Variants in FMN1 observed in about 807,000 individuals in gnomAD.
FMN1 encodes formin-1.
FMN1 carries 110 observed loss-of-function variants against 132.4 expected under a neutral mutation model. The ratio of observed to expected loss-of-function variants is 0.83; its 90% CI spans 0.71 to 0.97. The LOEUF (loss-of-function observed/expected upper bound fraction) is 0.97. FMN1 is among the 50% of genes least tolerant of loss of function. The pLI is 0.00. For missense variants in FMN1, 1,792 were observed against 1,705.3 expected (o/e 1.05, Z -0.90); for synonymous variants, 722 against 651.7 (o/e 1.11, Z -1.64).
At chr15:32,785,398 C>T (rs913732548) in intron 19 of FMN1, among the ~76,000 whole-genome samples, 4 of 150,916 alleles carry the variant, frequency 2.7e-5, no homozygotes, top group African/African-American at 9.8e-5. Context: ...GGAATTTAGG[C>T]TGATGACTGG....
At chr15:32,775,090 G>C (rs1261654922) in intron 20 of FMN1, among the ~76,000 whole-genome samples, 1 of 152,152 alleles carries the variant, frequency 6.6e-6, no homozygotes, top group Non-Finnish European at 1.5e-5. Context: ...AAAGGGAGAA[G>C]TATACTCTTT....
chr15:33,151,799 T>C (rs1374503660), intron 4 of FMN1, among the ~76,000 whole-genome samples: 1 of 152,146 alleles, frequency 6.6e-6, no homozygotes, highest in Non-Finnish European at 1.5e-5. Context: ...CAATACATGA[T>C]ATAAAATCTA....
intron 4 of FMN1, among the ~76,000 whole-genome samples, chr15:33,090,973 C>T (rs901059161): frequency 2.6e-5 from 4 of 152,158 alleles, no homozygotes; most frequent in Admixed American, 1.3e-4. Flanking sequence ...TTACAGTATA[C>T]TCTCACTGTA....
chr15:32,845,179 GC>G (rs2058828889), intron 17 of FMN1, among the ~76,000 whole-genome samples: 1 of 152,186 alleles, frequency 6.6e-6, no homozygotes, highest in Non-Finnish European at 1.5e-5. Flanking sequence ...TGAAAACCTT[GC>G]CATAGTTGTC....
intron 7 of FMN1, among the ~76,000 whole-genome samples, chr15:33,000,341 C>T (rs1050050173): frequency 2.0e-5 from 3 of 149,766 alleles, no homozygotes; most frequent in Admixed American, 1.3e-4. Flanking sequence ...CCCAGCTACT[C>T]GGGAGGCTGA....
In FMN1 at chr15:32,952,178, T is replaced by C. The variant is rs1466618890; in HGVS notation, c.3138+11929A>G. ...GATACCTCCACACCCCAAGAGTATA[T>C]GTATATACAACAAAAACATCATCAT... On this transcript the variant is annotated intron_variant, in intron 9 of 20. Transcript: ENST00000616417. 3.3e-5 allele frequency among the ~76,000 whole-genome samples: 5 copies of C among 152,186 alleles called. No homozygotes were observed. The East Asian group carries it at 7.7e-4, about 23-fold the overall frequency.
chr15:33,009,433 A>G (rs1019114922), intron 6 of FMN1, among the ~76,000 whole-genome samples: 2 of 152,052 alleles, frequency 1.3e-5, no homozygotes, highest in African/African-American at 2.4e-5. Flanking sequence ...AAAGACCTCC[A>G]TGTCCTGGTT....
At chr15:32,960,407 G>A (rs1258364080) in intron 9 of FMN1, among the ~76,000 whole-genome samples, 1 of 152,100 alleles carries the variant, frequency 6.6e-6, no homozygotes, top group Non-Finnish European at 1.5e-5. Context: ...TTTGGGTGGG[G>A]TCACAGAGCC....
chr15:33,166,684 A>G (rs946340063), intron 3 of FMN1, among the ~76,000 whole-genome samples: 1 of 152,210 alleles, frequency 6.6e-6, no homozygotes, highest in African/African-American at 2.4e-5. Context: ...AGAGTTTTAC[A>G]AACTCTTCTG....
In FMN1 at chr15:32,766,339, A is replaced by G. The variant is rs181442732; in HGVS notation, c.*7971T>C. 2.6e-5 allele frequency: 4 copies of G among 152,326 alleles called. No individual in the cohort carries two copies. Among genetic ancestry groups the G allele is most frequent in the East Asian group, 3.9e-4 (2 of 5,186 alleles). The allele number at this position is 152,326 out of a possible 1,614,324, so 9.4% of individuals were successfully genotyped here. Reference sequence around the variant, plus strand: ...GAATGGAGCGGCAATAAAAATCCTTATGATTCAAAGTGTTTGCCTGCACAG... The same window carrying G: ...GAATGGAGCGGCAATAAAAATCCTTGTGATTCAAAGTGTTTGCCTGCACAG... On this transcript the variant is annotated 3_prime_UTR_variant, in exon 21 of 21. Coordinates refer to ENST00000616417, the MANE Select transcript of FMN1 (RefSeq NM_001277313.2).
intron 17 of FMN1, among the ~76,000 whole-genome samples, chr15:32,807,905 A>G (rs748580925): frequency 6.6e-6 from 1 of 152,240 alleles, no homozygotes; most frequent in Non-Finnish European, 1.5e-5. Context: ...GGAAGCTCTA[A>G]CAGCATGAAA....
At chr15:33,133,385 TCA>T (rs1210758263) in intron 4 of FMN1, among the ~76,000 whole-genome samples, 1 of 152,162 alleles carries the variant, frequency 6.6e-6, no homozygotes, top group African/African-American at 2.4e-5. Flanking sequence ...AAGGAACCTC[TCA>T]CAATATGAAC....
chr15:32,845,430 T>C (rs538938111), intron 17 of FMN1, among the ~76,000 whole-genome samples: 105 of 152,306 alleles, frequency 6.9e-4, no homozygotes, highest in Middle Eastern at 3.4e-3. Flanking sequence ...TTACCCAAGG[T>C]TAAGGCAAAT....
chr15:33,045,152 G>T (rs2036619891), intron 6 of FMN1, among the ~76,000 whole-genome samples: 1 of 152,232 alleles, frequency 6.6e-6, no homozygotes, highest in Non-Finnish European at 1.5e-5. Flanking sequence ...CGTGGAAGCT[G>T]CTTGTGGTAC....
At chr15:33,080,655 G>C (rs1303097834) in intron 5 of FMN1, among the ~76,000 whole-genome samples, 1 of 152,138 alleles carries the variant, frequency 6.6e-6, no homozygotes, top group African/African-American at 2.4e-5. Flanking sequence ...GGGAGGCTGA[G>C]GTGGGCGGAT....
At chr15:33,099,859 T>C (rs1473024753) in intron 4 of FMN1, among the ~76,000 whole-genome samples, 1 of 152,240 alleles carries the variant, frequency 6.6e-6, no homozygotes, top group Non-Finnish European at 1.5e-5. Context: ...TGAGGTAGCA[T>C]AAATCTCTGC....
intron 6 of FMN1, among the ~76,000 whole-genome samples, chr15:33,038,878 C>T (rs985438471): frequency 2.0e-5 from 3 of 152,132 alleles, no homozygotes; most frequent in African/African-American, 7.2e-5. Flanking sequence ...CAGGGTTCCA[C>T]GATTTTCTTT....
intron 5 of FMN1, among the ~76,000 whole-genome samples, chr15:33,087,824 CATATAT>C (rs1566904414): frequency 2.9e-5 from 4 of 139,926 alleles, no homozygotes; most frequent in Non-Finnish European, 6.3e-5. Flanking sequence ...CATATATATA[CATATAT>C]ACATATACAT....
At chr15:33,007,967 A>C (rs1360383350) in intron 7 of FMN1, 47 bp downstream of exon 7, 4 of 1,495,804 alleles carry the variant, frequency 2.7e-6, no homozygotes, top group Non-Finnish European at 3.7e-6. Flanking sequence ...GGAGAAAACC[A>C]AGTATCAGTT....
Sources: allele counts gnomAD v4.1 joint callset (sites outside exome capture counted in the v4.1 genomes callset), GRCh38; gene constraint gnomAD v4.1.1; transcripts MANE v1.5; gene names NCBI Gene and HGNC (gene_info 2026-07-23, HGNC 2026-07-21).